The following NF2 variants were observed in gnomAD, a reference collection of about 807,000 sequenced individuals.
NF2 encodes merlin.
A neutral mutation model predicts 83.7 loss-of-function variants in NF2; 8 were observed. The observed-to-expected ratio is 0.10, with a 90% CI of 0.06 to 0.17. The LOEUF (loss-of-function observed/expected upper bound fraction) is 0.17, where lower values mean the gene tolerates loss of function less well. NF2 is among the 10% of genes least tolerant of loss of function. The probability of loss-of-function intolerance (pLI) is 1.00; values close to 1 mark genes in which losing one functional copy is unlikely to be tolerated. For missense variants in NF2, 533 were observed against 744.4 expected (o/e 0.72, Z 3.31); for synonymous variants, 266 against 269.6 (o/e 0.99, Z 0.13).
chr22:29,684,585 A>T (rs1158239017), intron 15 of NF2, among the ~76,000 whole-genome samples: 1 of 152,178 alleles, frequency 6.6e-6, no homozygotes, highest in African/African-American at 2.4e-5. Context: ...AAGAAGTTTC[A>T]TTTTTAGTTA....
At chr22:29,680,942 G>A (rs1043134842) in intron 14 of NF2, among the ~76,000 whole-genome samples, 8 of 136,140 alleles carry the variant, frequency 5.9e-5, no homozygotes, top group East Asian at 4.4e-4. Flanking sequence ...CTTGTTTCAC[G>A]TATGTTTTTT....
chr22:29,637,388 C>T (rs1298996548), intron 2 of NF2, among the ~76,000 whole-genome samples: 2 of 152,158 alleles, frequency 1.3e-5, no homozygotes, highest in African/African-American at 4.8e-5. Context: ...CCTCAGGATT[C>T]TCTGGGGCTT....
At position 29,681,593 on chromosome 22, in the gene NF2, A is replaced by C; in HGVS notation, c.1729A>C (p.Ile577Leu). The C allele has an allele frequency of 6.2e-7, 1 of 1,614,058 alleles. No individual in the cohort carries two copies. Among genetic ancestry groups the C allele is most frequent in the South Asian group, 1.1e-5 (1 of 91,088 alleles). Residue 577 changes from isoleucine to leucine, a missense_variant, in exon 15 of 16, where the codon ATT becomes CTT. Coordinates refer to ENST00000338641, the MANE Select transcript of NF2 (RefSeq NM_000268.4). ...GGGTGGCAGCAGCAAGCACAATACC[A>C]TTAAAAAGGTACCCAGGGTCTCTTT... ...DRGGSSKHNT[I>L]KKLTLQSAKS...
chr22:29,627,323 C>G (rs1173297676), intron 1 of NF2, among the ~76,000 whole-genome samples: 1 of 152,112 alleles, frequency 6.6e-6, no homozygotes, highest in Non-Finnish European at 1.5e-5. Flanking sequence ...TGTTTTATAG[C>G]TGTTTGACTA....
intron 1 of NF2, among the ~76,000 whole-genome samples, chr22:29,629,846 T>C (rs2065462387): frequency 6.6e-6 from 1 of 152,266 alleles, no homozygotes; most frequent in Non-Finnish European, 1.5e-5. Flanking sequence ...ATTGCTTCTC[T>C]CTTAGCTTTT....
intron 13 of NF2, 81 bp downstream of exon 13, chr22:29,675,022 G>T: frequency 8.2e-7 from 1 of 1,221,736 alleles, no homozygotes; most frequent in Non-Finnish European, 1.2e-6. Context: ...TTCATCTGGC[G>T]GTGCCTTCAG....
Position 29,674,951 on chromosome 22 carries a change from G to C in NF2, c.1446+10G>C, listed in dbSNP as rs563968726. 3.0e-5 allele frequency: 47 copies of C among 1,554,740 alleles called. 2 individuals carry two copies. In the South Asian group the frequency reaches 5.0e-4, roughly 16 times the overall value. ...CAAGCCCACGTACCCGGTGAGCCTG[G>C]GGGCCACCAGCTGGGGCTGCCTTAG... On this transcript the variant is annotated intron_variant, in intron 13 of 15. Coordinates refer to ENST00000338641, the MANE Select transcript of NF2 (RefSeq NM_000268.4).
chr22:29,677,218 C>A (rs563798045), intron 13 of NF2, among the ~76,000 whole-genome samples: 3 of 152,054 alleles, frequency 2.0e-5, no homozygotes, highest in Non-Finnish European at 2.9e-5. Flanking sequence ...ATTAGAGAAC[C>A]GTAAACACAG....
intron 3 of NF2, among the ~76,000 whole-genome samples, chr22:29,640,194 T>TAAAA (rs11379333): frequency 2.2e-5 from 2 of 92,794 alleles, no homozygotes; most frequent in African/African-American, 4.0e-5. Context: ...GACTCTGTCT[T>TAAAA]AAAAAAAAAA....
At position 29,673,758 on chromosome 22, in the gene NF2, C is replaced by T. The variant is rs192485140; in HGVS notation, c.1340+272C>T. On this transcript the variant is annotated intron_variant, in intron 12 of 15. Coordinates refer to ENST00000338641, the MANE Select transcript of NF2 (RefSeq NM_000268.4). ...GATAAGCCCCTGTCCCTCTGATGGC[C>T]GTGTGTGCAGGAAAACCCCTGAGCA... Among the ~76,000 whole-genome samples, 6 of 152,300 alleles carry T rather than the reference C, an allele frequency of 3.9e-5. No individual in the cohort carries two copies. The East Asian group carries it at 7.7e-4, about 20-fold the overall frequency.
intron 15 of NF2, among the ~76,000 whole-genome samples, chr22:29,684,524 C>T (rs1330255130): frequency 6.6e-6 from 1 of 152,220 alleles, no homozygotes; most frequent in Admixed American, 6.5e-5. Flanking sequence ...TGAAATTCTT[C>T]AGGGTCCTGA....
At chr22:29,654,991 T>C (rs867607237) in intron 5 of NF2, among the ~76,000 whole-genome samples, 3 of 152,140 alleles carry the variant, frequency 2.0e-5, no homozygotes, top group African/African-American at 2.4e-5. Flanking sequence ...TTGAGCATCA[T>C]TGATTCCCAA....
intron 1 of NF2, among the ~76,000 whole-genome samples, chr22:29,623,470 G>T (rs1462722305): frequency 6.6e-6 from 1 of 152,182 alleles, no homozygotes; most frequent in Non-Finnish European, 1.5e-5. Flanking sequence ...TTTGGGCAAG[G>T]TATCACATTG....
At chr22:29,620,217 T>A (rs2065181322) in intron 1 of NF2, among the ~76,000 whole-genome samples, 1 of 151,792 alleles carries the variant, frequency 6.6e-6, no homozygotes, top group South Asian at 2.1e-4. Context: ...TGAGATCGCG[T>A]CACTGCACTC....
intron 4 of NF2, among the ~76,000 whole-genome samples, chr22:29,643,604 G>C (rs887333774): frequency 9.9e-5 from 15 of 152,148 alleles, no homozygotes; most frequent in Non-Finnish European, 1.9e-4. Context: ...CACAGGGTTG[G>C]GGGTAAGGTC....
chr22:29,683,520 G>A, intron 15 of NF2: 1 of 1,124,340 alleles, frequency 8.9e-7, no homozygotes, highest in Non-Finnish European at 1.1e-6. Flanking sequence ...GTCACACCTG[G>A]CAGCTTCTGG....
At chr22:29,638,960 C>T in intron 2 of NF2, 130 bp from the exon 3 acceptor site, 1 of 1,350,686 alleles carries the variant, frequency 7.4e-7, no homozygotes, top group Non-Finnish European at 1.0e-6. Flanking sequence ...TGTAAAATCA[C>T]AACTTTCAGG....
chr22:29,641,326 C>G (rs2348686), intron 3 of NF2, among the ~76,000 whole-genome samples: 42,099 of 152,074 alleles, frequency 0.28, 6,789 homozygotes, highest in Admixed American at 0.4. Context: ...ACCTAACAAT[C>G]TCCTAGGTCC....
At chr22:29,656,869 C>T (rs1323836853) in intron 6 of NF2, among the ~76,000 whole-genome samples, 1 of 117,244 alleles carries the variant, frequency 8.5e-6, no homozygotes, top group Non-Finnish European at 1.6e-5. Flanking sequence ...CCCAGTCTAT[C>T]CTCAACAATT....
Sources: gnomAD v4.1 joint callset for allele counts (sites outside exome capture counted in the v4.1 genomes callset) on GRCh38, gnomAD v4.1.1 for gene constraint, MANE v1.5 for transcripts, NCBI Gene and HGNC (gene_info 2026-07-23, HGNC 2026-07-21) for gene names.